The following MMS22L variants were observed in gnomAD, a reference collection of about 807,000 sequenced individuals.
MMS22L encodes protein MMS22-like.
MMS22L carries 74 observed loss-of-function variants against 159.1 expected under a neutral mutation model. The observed-to-expected ratio is 0.47, with a 90% CI of 0.39 to 0.56. The LOEUF (loss-of-function observed/expected upper bound fraction) is 0.56, where lower values mean the gene tolerates loss of function less well. Among genes scored for constraint, MMS22L ranks in the 20% least tolerant of loss-of-function variants. The pLI, the probability that MMS22L is intolerant of heterozygous loss-of-function variation, is 0.00. For missense variants in MMS22L, 1,351 were observed against 1,422.1 expected, an observed-to-expected ratio of 0.95 and a Z score of 0.80; for synonymous variants, 517 against 506.9, an observed-to-expected ratio of 1.02 and a Z score of -0.27.
At chr6:97,273,822 G>A (rs1320954389) in intron 4 of MMS22L, among the ~76,000 whole-genome samples, 1 of 151,950 alleles carries the variant, frequency 6.6e-6, no homozygotes, top group Non-Finnish European at 1.5e-5. Flanking sequence ...CACCACAATA[G>A]CACTCTTCAC....
intron 8 of MMS22L, chr6:97,266,841 G>A (rs1473760016): frequency 1.3e-5 from 2 of 152,132 alleles, no homozygotes; most frequent in African/African-American, 4.8e-5. Context: ...GCTGTGAGGA[G>A]GATTAGGAGG....
chr6:97,239,055 TAA>T (rs1034653395), intron 11 of MMS22L, among the ~76,000 whole-genome samples: 1 of 151,400 alleles, frequency 6.6e-6, no homozygotes, highest in Non-Finnish European at 1.5e-5. Flanking sequence ...ATTCACAGTC[TAA>T]ACAGTAACTG....
chr6:97,200,173 A>G (rs1446153510), intron 14 of MMS22L, among the ~76,000 whole-genome samples: 1 of 152,176 alleles, frequency 6.6e-6, no homozygotes, highest in Non-Finnish European at 1.5e-5. Flanking sequence ...TTTAAGATCA[A>G]TTATGAAAAT....
chr6:97,263,240 A>G, intron 9 of MMS22L, 95 bp downstream of exon 9: 1 of 759,004 alleles, frequency 1.3e-6, no homozygotes, highest in Non-Finnish European at 2.2e-6. Flanking sequence ...CCTTATTATA[A>G]AAAAGGAAGT....
intron 1 of MMS22L, 62 bp from the exon 2 acceptor site, chr6:97,282,615 G>T (rs911921864): frequency 2.0e-6 from 1 of 497,754 alleles, no homozygotes; most frequent in East Asian, 3.5e-5. Context: ...TTCTCAAGAC[G>T]TCCGCCAGCA....
At chr6:97,254,235 G>C (rs959398725) in intron 10 of MMS22L, 2 of 178,942 alleles carry the variant, frequency 1.1e-5, no homozygotes, top group African/African-American at 4.7e-5. Flanking sequence ...AGGAATCTTT[G>C]TGACAATCCA....
intron 11 of MMS22L, among the ~76,000 whole-genome samples, chr6:97,236,703 G>C (rs1404792884): frequency 6.6e-6 from 1 of 152,096 alleles, no homozygotes; most frequent in East Asian, 1.9e-4. Flanking sequence ...TGTAATCCCA[G>C]CACTTTGGGA....
chr6:97,277,131 T>C (rs1009181565), intron 4 of MMS22L, among the ~76,000 whole-genome samples: 3 of 152,042 alleles, frequency 2.0e-5, no homozygotes, highest in African/African-American at 7.2e-5. Context: ...ACATAAAAAA[T>C]AGTCCAGGCA....
intron 8 of MMS22L, chr6:97,266,856 CG>C (rs1206160404): frequency 1.3e-5 from 2 of 151,982 alleles, no homozygotes; most frequent in Admixed American, 1.3e-4. Context: ...AGGAGGGAGG[CG>C]GGGTAGATGT....
chr6:97,180,493 T>TTTTTAAAA (rs1488806721), intron 16 of MMS22L, among the ~76,000 whole-genome samples: 4 of 152,150 alleles, frequency 2.6e-5, no homozygotes, highest in African/African-American at 9.7e-5. Context: ...ATGTCCAAAA[T>TTTTTAAAA]TTTTAAAATT....
intron 9 of MMS22L, among the ~76,000 whole-genome samples, chr6:97,257,417 T>C (rs998111703): frequency 2.6e-5 from 4 of 152,128 alleles, no homozygotes; most frequent in Non-Finnish European, 5.9e-5. Context: ...ATTTTTAGAG[T>C]ATACCAGTTT....
chr6:97,219,329 T>C (rs1360943845), intron 14 of MMS22L, among the ~76,000 whole-genome samples: 2 of 152,190 alleles, frequency 1.3e-5, no homozygotes, highest in Non-Finnish European at 2.9e-5. Context: ...ATGTATTGAA[T>C]GTACTGAAAG....
At position 97,238,572 on chromosome 6, in the gene MMS22L, C is replaced by CGTGTGTGTGTGTGTGTGT. The variant is rs71740630; in HGVS notation, c.1183-4610_1183-4593dup. Among the ~76,000 whole-genome samples the CGTGTGTGTGTGTGTGTGT allele has an allele frequency of 5.2e-4, 48 of 91,538 alleles. 2 individuals carry two copies. Among genetic ancestry groups the CGTGTGTGTGTGTGTGTGT allele is most frequent in the African/African-American group, 1.6e-3 (47 of 29,600 alleles). 60.1% of individuals were successfully genotyped at this position (91,538 alleles called of 152,430 possible). A position where few individuals can be genotyped will look rare whatever the true frequency, so the allele number is the denominator to read the frequency against. ...TATGGGCTCTCAGCGTGTCTCATCT[C>CGTGTGTGTGTGTGTGTGT]GTGTGTGTGTGTGTGTGTGTGTGTG... On this transcript the variant is annotated intron_variant, in intron 11 of 24. Coordinates refer to ENST00000683635, the MANE Select transcript of MMS22L (RefSeq NM_001350599.2).
chr6:97,207,024 T>C (rs1233786880), intron 14 of MMS22L, among the ~76,000 whole-genome samples: 1 of 152,174 alleles, frequency 6.6e-6, no homozygotes, highest in Non-Finnish European at 1.5e-5. Flanking sequence ...ATAATATCTT[T>C]AAAATTATAA....
intron 11 of MMS22L, among the ~76,000 whole-genome samples, chr6:97,240,303 G>A (rs1486673962): frequency 6.6e-6 from 1 of 152,078 alleles, no homozygotes. Flanking sequence ...TATTATAATC[G>A]CCTCTTTTCC....
chr6:97,169,854 T>G (rs1803341491), intron 19 of MMS22L, among the ~76,000 whole-genome samples: 1 of 152,104 alleles, frequency 6.6e-6, no homozygotes, highest in African/African-American at 2.4e-5. Flanking sequence ...TTTCTACAGT[T>G]TTAGTTACCC....
intron 22 of MMS22L, among the ~76,000 whole-genome samples, chr6:97,159,303 T>C (rs1018785438): frequency 6.6e-6 from 1 of 151,798 alleles, no homozygotes; most frequent in African/African-American, 2.4e-5. Context: ...ATTTAATTAT[T>C]AATTATTTTT....
In MMS22L at chr6:97,179,424, A is replaced by G. The variant is rs781391282; in HGVS notation, c.2520T>C (p.Asn840=). Residue 840 remains asparagine, a synonymous_variant, in exon 17 of 25, where the codon AAT becomes AAC. Transcript: ENST00000683635. ...CTTACTTACCAACTGCCTCTTCCAG[A>G]TTTTTATCTATGAGCAAATCATCAG... ...SGPDDLLIDK[N]LEEAVEKEYM... is the part of the protein sequence containing the mutation. 1.9e-6 allele frequency: 3 copies of G among 1,612,254 alleles called. No homozygotes were observed. The East Asian group carries it at 6.7e-5, about 36-fold the overall frequency.
intron 4 of MMS22L, among the ~76,000 whole-genome samples, chr6:97,277,986 C>T (rs1816407903): frequency 6.6e-6 from 1 of 152,122 alleles, no homozygotes; most frequent in Non-Finnish European, 1.5e-5. Context: ...ACGTAAGACC[C>T]ACAATTAGCT....
Sources: gnomAD v4.1 joint callset for allele counts (sites outside exome capture counted in the v4.1 genomes callset) on GRCh38, gnomAD v4.1.1 for gene constraint, MANE v1.5 for transcripts, NCBI Gene and HGNC (gene_info 2026-07-23, HGNC 2026-07-21) for gene names.